Variants in CD83 observed in about 807,000 individuals in gnomAD.
CD83 encodes the protein CD83 antigen.
CD83 carries 22 observed loss-of-function variants against 24.6 expected under a neutral mutation model. That is an observed-to-expected ratio of 0.90 (90% CI 0.64 to 1.28). CD83 has a LOEUF of 1.28. Among genes scored for constraint, CD83 ranks in the 50% most tolerant of loss-of-function variants. CD83 has a pLI of 0.00. For missense variants in CD83, 253 were observed against 252.8 expected, an observed-to-expected ratio of 1.00 and a Z score of -0.01; for synonymous variants, 101 against 103.5, an observed-to-expected ratio of 0.98 and a Z score of 0.14.
chr6:14,127,338 G>A (rs1177497145), intron 2 of CD83, among the ~76,000 whole-genome samples: 1 of 151,970 alleles, frequency 6.6e-6, no homozygotes, highest in Admixed American at 6.6e-5. Flanking sequence ...TTTCAATTTT[G>A]TGATCAAAAC....
In CD83 at chr6:14,135,360, T is replaced by C; in HGVS notation, c.*124T>C. 1 of 1,055,596 alleles carries C rather than the reference T, an allele frequency of 9.5e-7. No individual in the cohort carries two copies. The highest frequency in any genetic ancestry group is 1.7e-5 in the South Asian group (1 of 59,674). 65.4% of individuals were successfully genotyped at this position (1,055,596 alleles called of 1,614,324 possible). A position where few individuals can be genotyped will look rare whatever the true frequency, so the allele number is the denominator to read the frequency against. Reference sequence around the variant, plus strand: ...CATCCTGTGAAGTCCTTCACCTCACTGAAAACATCTGGAAGGGGATCCCAC... The same window carrying C: ...CATCCTGTGAAGTCCTTCACCTCACCGAAAACATCTGGAAGGGGATCCCAC... On this transcript the variant is annotated 3_prime_UTR_variant, in exon 5 of 5. Coordinates refer to ENST00000379153, the MANE Select transcript of CD83 (RefSeq NM_004233.4).
intron 2 of CD83, among the ~76,000 whole-genome samples, chr6:14,127,052 A>G (rs1409662694): frequency 2.0e-5 from 3 of 151,796 alleles, no homozygotes; most frequent in Non-Finnish European, 4.4e-5. Context: ...GCAATGGCAC[A>G]ATCTTGGCTC....
At chr6:14,130,407 T>C (rs1206207123) in intron 2 of CD83, among the ~76,000 whole-genome samples, 3 of 152,196 alleles carry the variant, frequency 2.0e-5, no homozygotes, top group Non-Finnish European at 4.4e-5. Context: ...CTGTGGACAC[T>C]CCACCAGTTT....
chr6:14,118,522 A>C (rs564150794), intron 2 of CD83, among the ~76,000 whole-genome samples: 1 of 152,150 alleles, frequency 6.6e-6, no homozygotes, highest in Admixed American at 6.5e-5. Context: ...GGGAGGGGGC[A>C]ATTTGAAAGG....
At position 14,136,696 on chromosome 6, in the gene CD83, T is replaced by A; in HGVS notation, c.*1460T>A. ...TGTGAAGAAAGGGTGTTTTTCTGTT[T>A]TATATTCAACTCATAAGACTTTGGG... is the stretch of plus-strand genomic sequence containing the variant. On this transcript the variant is annotated 3_prime_UTR_variant, in exon 5 of 5. Transcript: ENST00000379153. 6.6e-6 allele frequency: 1 copy of A among 152,204 alleles called. No homozygotes were observed. Among genetic ancestry groups the A allele is most frequent in the East Asian group, 1.9e-4 (1 of 5,192 alleles). The allele number at this position is 152,204 out of a possible 1,614,324, so 9.4% of individuals were successfully genotyped here. A position where few individuals can be genotyped will look rare whatever the true frequency, so the allele number is the denominator to read the frequency against.
chr6:14,123,101 T>G (rs1407769471), intron 2 of CD83, among the ~76,000 whole-genome samples: 3 of 128,718 alleles, frequency 2.3e-5, no homozygotes, highest in African/African-American at 5.3e-5. Flanking sequence ...TTTGTTTTTG[T>G]TTTTTTTTTT....
At position 14,121,468 on chromosome 6, in the gene CD83, G is replaced by T. The variant is rs574970666; in HGVS notation, c.153+3403G>T. ...CTAGGATTACAGGCATGAGCCAATC[G>T]ATTTATCTTTTAAAGTTGTAATAGA... On this transcript the variant is annotated intron_variant, in intron 2 of 4. Coordinates refer to ENST00000379153, the MANE Select transcript of CD83 (RefSeq NM_004233.4). 7.3e-5 allele frequency among the ~76,000 whole-genome samples: 11 copies of T among 151,272 alleles called. No individual in the cohort carries two copies. In the East Asian group the frequency reaches 2.2e-3, roughly 30 times the overall value.
At chr6:14,119,162 G>A (rs1253928154) in intron 2 of CD83, among the ~76,000 whole-genome samples, 33 of 152,230 alleles carry the variant, frequency 2.2e-4, no homozygotes, top group Admixed American at 1.8e-3. Flanking sequence ...TATTCTTCAC[G>A]GCACCTAATT....
intron 2 of CD83, 28 bp downstream of exon 2, chr6:14,118,093 G>C (rs764732620): frequency 1.3e-6 from 2 of 1,516,426 alleles, no homozygotes; most frequent in Middle Eastern, 1.7e-4. Flanking sequence ...CACGGGCTGG[G>C]GTTTGGTGGG....
chr6:14,117,518 G>A (rs1281722764), upstream of CD83: 1 of 150,418 alleles, frequency 6.6e-6, no homozygotes, highest in Admixed American at 6.6e-5. The surrounding 1 kb of genome is among the most constrained non-coding windows in gnomAD (Gnocchi z 4.6). Flanking sequence ...CCGCAGCAGC[G>A]ACGCGAACTC....
rs147342996 is a variant in CD83, at chr6:14,131,616, G to T, written c.250G>T (p.Ala84Ser). 1.4e-5 allele frequency: 22 copies of T among 1,614,054 alleles called. No individual in the cohort carries two copies. The African/African-American group carries it at 2.3e-4, about 17-fold the overall frequency. ...GAAGGGGCAAAATGGTTCTTTCGAC[G>T]CCCCCAATGAAAGGCCCTATTCCCT... ...HQKGQNGSFD[A>S]PNERPYSLKI... The change falls in exon 3 of 5, where the codon GCC becomes TCC. Residue 84 changes from alanine (A) to serine (S), a missense_variant. Coordinates refer to ENST00000379153, the MANE Select transcript of CD83 (RefSeq NM_004233.4).
chr6:14,134,908 T>C (rs1043378056), intron 4 of CD83, among the ~76,000 whole-genome samples, 200 bp from the exon 5 acceptor site: 2 of 152,206 alleles, frequency 1.3e-5, no homozygotes, highest in African/African-American at 4.8e-5. Context: ...ATGGCCACAA[T>C]CAGTGAATCT....
Position 14,129,796 on chromosome 6 carries a change from G to A in CD83, c.154-1724G>A, listed in dbSNP as rs1581332023. On this transcript the variant is annotated intron_variant, in intron 2 of 4. Transcript: ENST00000379153. The surrounding 1 kb of genome is among the most constrained non-coding windows in gnomAD (Gnocchi z 4.3). ...AGCCTGAGCTTTCCGGTGACCTTGTGGTATATGCTCTGAATTAATAAATGA... is the reference window on the plus strand; with the variant it reads ...AGCCTGAGCTTTCCGGTGACCTTGTAGTATATGCTCTGAATTAATAAATGA... 6.6e-6 allele frequency among the ~76,000 whole-genome samples: 1 copy of A among 151,816 alleles called. No individual in the cohort carries two copies. The highest frequency in any genetic ancestry group is 2.1e-4 in the South Asian group (1 of 4,812).
At chr6:14,134,771 A>G (rs1240261882) in intron 4 of CD83, among the ~76,000 whole-genome samples, 3 of 152,260 alleles carry the variant, frequency 2.0e-5, no homozygotes, top group Non-Finnish European at 4.4e-5. Context: ...TTATTTGCGT[A>G]TAAGAAGATA....
rs1043579456 is a variant in CD83 at position 14,135,323 on chromosome 6, C to T, written c.*87C>T. The T allele has an allele frequency of 5.8e-5, 82 of 1,414,470 alleles. No individual in the cohort carries two copies. Among genetic ancestry groups the T allele is most frequent in the Admixed American group, 6.3e-5 (3 of 47,942 alleles). The allele number at this position is 1,414,470 out of a possible 1,614,324, so 87.6% of individuals were successfully genotyped here. A position where few individuals can be genotyped will look rare whatever the true frequency, so the allele number is the denominator to read the frequency against. ...ACTGGAGGAGAGAAGAATGAGCCTA[C>T]GCTGAAGATGGCATCCTGTGAAGTC... On this transcript the variant is annotated 3_prime_UTR_variant, in exon 5 of 5. Coordinates refer to ENST00000379153, the MANE Select transcript of CD83 (RefSeq NM_004233.4).
At chr6:14,133,874 C>T in intron 4 of CD83, 119 bp downstream of exon 4, 1 of 651,200 alleles carries the variant, frequency 1.5e-6, no homozygotes, top group South Asian at 2.4e-5. Context: ...TTCTTTGAAC[C>T]CTGGACTTTT....
intron 2 of CD83, among the ~76,000 whole-genome samples, chr6:14,122,849 A>G (rs12205252): frequency 0.16 from 24,504 of 152,286 alleles, 2,446 homozygotes; most frequent in Middle Eastern, 0.24. Context: ...CTCAGGATCA[A>G]TGTAGAACTT....
Position 14,135,518 on chromosome 6 carries a change from A to C in CD83, c.*282A>C, listed in dbSNP as rs975477399. 2.8e-6 allele frequency: 1 copy of C among 351,440 alleles called. No homozygotes were observed. Among genetic ancestry groups the C allele is most frequent in the African/African-American group, 2.0e-5 (1 of 49,118 alleles). The allele number at this position is 351,440 out of a possible 1,614,324, so 21.8% of individuals were successfully genotyped here. A position where few individuals can be genotyped will look rare whatever the true frequency, so the allele number is the denominator to read the frequency against. ...CAACCTCCTGGACATTTTTTCAGTC[A>C]TATAAAAGCTATGGTGAGATGCAGC... On this transcript the variant is annotated 3_prime_UTR_variant, in exon 5 of 5. Transcript: ENST00000379153.
chr6:14,118,782 A>C (rs1359434772), intron 2 of CD83, among the ~76,000 whole-genome samples: 5 of 152,204 alleles, frequency 3.3e-5, no homozygotes, highest in African/African-American at 1.2e-4. Context: ...AAACATTCTC[A>C]GATTCTAAGA....
Sources: allele counts gnomAD v4.1 joint callset (sites outside exome capture counted in the v4.1 genomes callset), GRCh38; gene constraint gnomAD v4.1.1; non-coding constraint Gnocchi (gnomAD v3.1); transcripts MANE v1.5; gene names NCBI Gene and HGNC (gene_info 2026-07-23, HGNC 2026-07-21).